DAW1: variants seen among roughly 807,000 people sequenced by gnomAD.
DAW1 encodes dynein assembly factor with WD repeats 1, also known as dynein assembly factor with WD repeat domains 1.
A neutral mutation model predicts 56.5 loss-of-function variants in DAW1; 47 were observed. The ratio of observed to expected loss-of-function variants is 0.83; its 90% CI spans 0.66 to 1.06. The LOEUF (loss-of-function observed/expected upper bound fraction) is 1.06. Ranked by LOEUF, DAW1 falls within the 50% of genes least tolerant of loss-of-function variation. The pLI is 0.00. For synonymous variants in DAW1, 190 were observed against 179.0 expected, an observed-to-expected ratio of 1.06 and a Z score of -0.49; for missense variants, 505 against 499.3, an observed-to-expected ratio of 1.01 and a Z score of -0.11.
chr2:227,916,756 A>G (rs555018759), intron 10 of DAW1, among the ~76,000 whole-genome samples: 2 of 152,212 alleles, frequency 1.3e-5, no homozygotes, highest in East Asian at 3.9e-4. Flanking sequence ...TTTTTCATCT[A>G]CCTGAACTTG....
In DAW1 at chr2:227,904,911, T is replaced by C. The variant is rs566279674; in HGVS notation, c.649-18T>C. 3.7e-6 allele frequency: 6 copies of C among 1,601,804 alleles called. No individual in the cohort carries two copies. Among genetic ancestry groups the C allele is most frequent in the Admixed American group, 1.7e-5 (1 of 59,680 alleles). On this transcript the variant is annotated intron_variant, in intron 7 of 12. Transcript: ENST00000309931. ...TTTTATCTGCAGGTATACTTGACAG[T>C]ATCTGCTCTTTTTCTAGGGACATTC...
intron 11 of DAW1, among the ~76,000 whole-genome samples, chr2:227,919,512 CG>C (rs1692055974): frequency 6.6e-6 from 1 of 151,984 alleles, no homozygotes; most frequent in Non-Finnish European, 1.5e-5. Context: ...TTATGTTGTG[CG>C]AAAAATATGC....
chr2:227,893,147 C>G (rs1691313200), intron 4 of DAW1, among the ~76,000 whole-genome samples: 1 of 151,598 alleles, frequency 6.6e-6, no homozygotes, highest in Non-Finnish European at 1.5e-5. Flanking sequence ...TGGCGCACCT[C>G]TAATCCCAGC....
intron 12 of DAW1, among the ~76,000 whole-genome samples, chr2:227,923,145 C>T (rs1692147884): frequency 6.6e-6 from 1 of 152,238 alleles, no homozygotes; most frequent in Non-Finnish European, 1.5e-5. Flanking sequence ...AAGTGCTTAA[C>T]ATTGGCTCAC....
At chr2:227,907,115 G>GT (rs768782358) in intron 9 of DAW1, 23 bp from the exon 10 acceptor site, 9 of 1,465,742 alleles carry the variant, frequency 6.1e-6, no homozygotes, top group African/African-American at 1.5e-5. Context: ...TTTTTTTTTT[G>GT]TTTTTTGTTC....
At chr2:227,880,840 G>A (rs1229116051) in intron 1 of DAW1, among the ~76,000 whole-genome samples, 1 of 152,184 alleles carries the variant, frequency 6.6e-6, no homozygotes, top group Non-Finnish European at 1.5e-5. Flanking sequence ...TCTTTGAGGT[G>A]ATAGGGAGAC....
At position 227,893,733 on chromosome 2, in the gene DAW1, A is replaced by C. The variant is rs1691332872; in HGVS notation, c.318-62A>C. 3 of 1,557,390 alleles carry C rather than the reference A, an allele frequency of 1.9e-6. No individual in the cohort carries two copies. The East Asian group carries it at 6.8e-5, about 35-fold the overall frequency. On this transcript the variant is annotated intron_variant, in intron 4 of 12. Coordinates refer to ENST00000309931, the MANE Select transcript of DAW1 (RefSeq NM_178821.3). ...AGAGTTATTATCCTACAGGTAAAACATGAAGTCTTTATTAACACACTGCCA... is the reference window on the plus strand; with the variant it reads ...AGAGTTATTATCCTACAGGTAAAACCTGAAGTCTTTATTAACACACTGCCA...
At chr2:227,909,780 C>T (rs761960520) in intron 10 of DAW1, among the ~76,000 whole-genome samples, 1 of 152,124 alleles carries the variant, frequency 6.6e-6, no homozygotes, top group Non-Finnish European at 1.5e-5. Flanking sequence ...CATCCTTCCT[C>T]CACCTTTTGT....
At chr2:227,912,757 A>G (rs1213369593) in intron 10 of DAW1, among the ~76,000 whole-genome samples, 1 of 152,134 alleles carries the variant, frequency 6.6e-6, no homozygotes, top group Non-Finnish European at 1.5e-5. Flanking sequence ...CTCCTTGATG[A>G]TCATATAAAA....
At chr2:227,874,467 C>T (rs1690829731) in intron 1 of DAW1, among the ~76,000 whole-genome samples, 1 of 152,212 alleles carries the variant, frequency 6.6e-6, no homozygotes, top group African/African-American at 2.4e-5. Context: ...ATGACATTCA[C>T]ATTGCTAATC....
chr2:227,901,679 C>T (rs1691550253), intron 6 of DAW1, among the ~76,000 whole-genome samples: 2 of 152,136 alleles, frequency 1.3e-5, no homozygotes, highest in African/African-American at 4.8e-5. Context: ...ACCGACCAAA[C>T]CTGGATTGGG....
At chr2:227,883,287 G>T (rs1010676085) in intron 1 of DAW1, among the ~76,000 whole-genome samples, 1 of 152,198 alleles carries the variant, frequency 6.6e-6, no homozygotes, top group Non-Finnish European at 1.5e-5. Flanking sequence ...CCAACAGTAA[G>T]AGTTTTCTTA....
At chr2:227,891,109 A>G in intron 3 of DAW1, 146 bp from the exon 4 acceptor site, 1 of 676,126 alleles carries the variant, frequency 1.5e-6, no homozygotes, top group Non-Finnish European at 2.5e-6. Flanking sequence ...ATAAGATGCC[A>G]CATAGCACTG....
In DAW1 at chr2:227,923,485, A is replaced by G. The variant is rs187792922; in HGVS notation, c.1214-449A>G. Among the ~76,000 whole-genome samples the G allele has an allele frequency of 3.7e-3, 556 of 152,294 alleles. 1 individual carries two copies. The highest frequency in any genetic ancestry group is 5.5e-3 in the Admixed American group (84 of 15,304). Reference sequence around the variant, plus strand: ...GAAGGTGAGAAAACCAGTAGTGCCCACTGATGATGAGAAAAACCCCCTAAA... The same window carrying G: ...GAAGGTGAGAAAACCAGTAGTGCCCGCTGATGATGAGAAAAACCCCCTAAA... On this transcript the variant is annotated intron_variant, in intron 12 of 12. Transcript: ENST00000309931.
At chr2:227,923,801 C>T (rs943250925) in intron 12 of DAW1, 133 bp from the exon 13 acceptor site, 1 of 1,006,306 alleles carries the variant, frequency 9.9e-7, no homozygotes, top group Non-Finnish European at 1.5e-6. Flanking sequence ...GACTCTGCAG[C>T]TAGGCGCGGA....
intron 8 of DAW1, 88 bp downstream of exon 8, chr2:227,905,123 T>C (rs1428877484): frequency 2.0e-6 from 2 of 984,624 alleles, no homozygotes; most frequent in Non-Finnish European, 3.0e-6. Flanking sequence ...CTACTATCTA[T>C]TAACTCTGCT....
At chr2:227,891,768 A>T (rs1234360081) in intron 4 of DAW1, among the ~76,000 whole-genome samples, 1 of 152,228 alleles carries the variant, frequency 6.6e-6, no homozygotes, top group Non-Finnish European at 1.5e-5. Context: ...TGACCTACAG[A>T]CATAAAATAA....
intron 1 of DAW1, among the ~76,000 whole-genome samples, chr2:227,883,558 T>G (rs562498047): frequency 1.3e-5 from 2 of 152,352 alleles, no homozygotes; most frequent in East Asian, 3.9e-4. Context: ...AGTTACCATT[T>G]GTTGAGTTTT....
At chr2:227,916,969 G>A (rs986331525) in intron 10 of DAW1, among the ~76,000 whole-genome samples, 5 of 152,004 alleles carry the variant, frequency 3.3e-5, no homozygotes, top group African/African-American at 1.2e-4. Flanking sequence ...TAATCTCCTT[G>A]TCAGCAATGT....
Sources: gnomAD v4.1 joint callset for allele counts (sites outside exome capture counted in the v4.1 genomes callset) on GRCh38, gnomAD v4.1.1 for gene constraint, MANE v1.5 for transcripts, NCBI Gene and HGNC (gene_info 2026-07-23, HGNC 2026-07-21) for gene names.